PLEC: variants seen among roughly 807,000 people sequenced by gnomAD.
PLEC encodes plectin.
In PLEC, 216 loss-of-function variants were observed where a neutral mutation model predicts 392.8. That is an observed-to-expected ratio of 0.55 (90% CI 0.49 to 0.62). PLEC has a LOEUF of 0.62. Ranked by LOEUF, PLEC falls within the 20% of genes least tolerant of loss-of-function variation. The pLI is 0.00. For missense variants in PLEC, 6,863 were observed against 6,563.4 expected (o/e 1.05, Z -1.58); for synonymous variants, 3,621 against 2,980.6 (o/e 1.21, Z -7.00).
At chr8:143,944,732 C>A in intron 1 of PLEC, 1 of 1,264,134 alleles carries the variant, frequency 7.9e-7, no homozygotes, top group Non-Finnish European at 1.0e-6. Context: ...ACAGGCCCCT[C>A]GGAGGAGGCA....
At chr8:143,972,122 G>A (rs1296014370) in intron 1 of PLEC, among the ~76,000 whole-genome samples, 4 of 152,204 alleles carry the variant, frequency 2.6e-5, no homozygotes, top group Non-Finnish European at 5.9e-5. Flanking sequence ...CACAGTTCCC[G>A]CACTTTGAAC....
upstream of PLEC, among the ~76,000 whole-genome samples, chr8:143,940,882 C>T (rs1301494720): frequency 2.0e-5 from 3 of 152,202 alleles, no homozygotes; most frequent in African/African-American, 7.2e-5. Context: ...CCAACGAAGA[C>T]ACCCCTTGGT....
chr8:143,922,828 C>G lies in PLEC; in HGVS notation c.7101G>C (p.Thr2367=). 6.3e-7 allele frequency: 1 copy of G among 1,583,658 alleles called. No homozygotes were observed. Among genetic ancestry groups the G allele is most frequent in the South Asian group, 1.1e-5 (1 of 88,112 alleles). Reference sequence around the variant, plus strand: ...GCTGCCGCTGCCGCTCGGCCTCCAGCGTCCGCTGGAAGCCCTGCGTCTCCT... The same window carrying G: ...GCTGCCGCTGCCGCTCGGCCTCCAGGGTCCGCTGGAAGCCCTGCGTCTCCT... The part of the protein sequence containing the change: ...LAEETQGFQR[T]LEAERQRQLE... Residue 2367 remains threonine, a synonymous_variant, in exon 31 of 32, where the codon ACG becomes ACC. Transcript: ENST00000345136.
chr8:143,943,524 C>T (rs560048994), upstream of PLEC, among the ~76,000 whole-genome samples: 1 of 152,370 alleles, frequency 6.6e-6, no homozygotes, highest in South Asian at 2.1e-4. Flanking sequence ...GGGGGACGCT[C>T]CTGCCCTGCC....
Position 143,969,436 on chromosome 8 carries a change from TAGAC to T in PLEC, c.70+3963_70+3966del, listed in dbSNP as rs1218752250. Among the ~76,000 whole-genome samples the T allele has an allele frequency of 2.0e-5, 3 of 152,172 alleles. No homozygotes were observed. The highest frequency in any genetic ancestry group is 1.9e-4 in the East Asian group (1 of 5,192). On this transcript the variant is annotated intron_variant, in intron 1 of 31. Coordinates refer to the PLEC transcript ENST00000356346. The surrounding 1 kb of genome is among the most constrained non-coding windows in gnomAD (Gnocchi z 5.1). The stretch of plus-strand genomic sequence containing the variant: ...TGCTGAGGGCTGTGGGCTGGTGACT[TAGAC>T]AGTCGGCCCAGCTGCCAAGAGGTGT...
Position 143,927,283 on chromosome 8 carries a change from C to T in PLEC, c.3809G>A (p.Arg1270Lys), listed in dbSNP as rs1233394458. The T allele has an allele frequency of 5.6e-6, 9 of 1,613,264 alleles. No individual in the cohort carries two copies. The African/African-American group carries it at 1.1e-4, about 19-fold the overall frequency. ...RHGEKVEECQ[R>K]FAKQYINAIK... ...GGCGTTGATGTACTGTTTCGCAAAC[C>T]TCTGGCACTCCTCGACCTTCTCGCC... The change falls in exon 28 of 32, where the codon AGG becomes AAG. Residue 1270 changes from arginine (R) to lysine (K), a missense_variant. Arg to Lys is a conservative substitution (Grantham distance 26). Transcript: ENST00000345136.
At chr8:143,972,591 G>C (rs912814106) in intron 1 of PLEC, among the ~76,000 whole-genome samples, 21 of 152,322 alleles carry the variant, frequency 1.4e-4, no homozygotes, top group Non-Finnish European at 1.5e-4. Flanking sequence ...TGCTCTGATC[G>C]GCTCTGCCTG....
At chr8:143,930,652 AG>A in intron 19 of PLEC, 116 bp from the exon 20 acceptor site, 2 of 1,065,596 alleles carry the variant, frequency 1.9e-6, no homozygotes, top group Non-Finnish European at 2.7e-6. Context: ...CCGGGGTGGC[AG>A]CACTTGGAAG....
chr8:143,933,949 G>A (rs782228156), intron 12 of PLEC, 49 bp downstream of exon 12: 1 of 1,514,628 alleles, frequency 6.6e-7, no homozygotes. Context: ...GGGCGGGGCA[G>A]GCTCCTCCGG....
At position 143,973,383 on chromosome 8, in the gene PLEC, A is replaced by C; in HGVS notation, c.70+20T>G. ...GGCTGTCAGGAGCGGCCCGACAGGCAGCGGGACGGGGGGCCGTACCTTTGT... is the reference window on the plus strand; with the variant it reads ...GGCTGTCAGGAGCGGCCCGACAGGCCGCGGGACGGGGGGCCGTACCTTTGT... On this transcript the variant is annotated intron_variant, in intron 1 of 31. Transcript: ENST00000356346. This position sits in a 1 kb window ranked among gnomAD's most constrained non-coding sequence, Gnocchi z 5.6. 2 of 1,559,608 alleles carry C rather than the reference A, an allele frequency of 1.3e-6. No homozygotes were observed. Among genetic ancestry groups the C allele is most frequent in the South Asian group, 1.2e-5 (1 of 84,998 alleles).
intron 1 of PLEC, among the ~76,000 whole-genome samples, chr8:143,966,044 G>A (rs1348206010): frequency 6.6e-6 from 1 of 151,994 alleles, no homozygotes; most frequent in Non-Finnish European, 1.5e-5. Flanking sequence ...GGCCTCCTGA[G>A]CACTTCCCAC....
intron 3 of PLEC, 102 bp downstream of exon 3, chr8:143,938,049 T>C (rs750253107): frequency 9.5e-5 from 78 of 818,478 alleles, no homozygotes; most frequent in Non-Finnish European, 1.5e-4. Context: ...TTGAGCTGGA[T>C]TCCAAGTAGA....
rs1554717648 is a variant in PLEC at position 143,932,650 on chromosome 8, C to T, written c.1800G>A (p.Gln600=). The change falls in exon 15 of 32, where the codon CAG becomes CAA. Residue 600 remains glutamine (Q), a synonymous_variant. Transcript: ENST00000345136. ...CCCCACTCACCAGCAGCTTGGCGTA[C>T]TGCAGGTCCAGCCGACCCAGGCAGT... ...YRDCLGRLDL[Q]YAKLLNSSKA... The T allele has an allele frequency of 2.5e-6, 4 of 1,611,124 alleles. No individual in the cohort carries two copies. The highest frequency in any genetic ancestry group is 3.3e-5 in the Admixed American group (2 of 59,908).
Position 143,916,127 on chromosome 8 carries a change from G to T in PLEC, c.*50C>A. On this transcript the variant is annotated 3_prime_UTR_variant, in exon 32 of 32. Transcript: ENST00000345136. ...GCGTTGAAAACGGCCCCCGCGCCTCGGTGGGAGCCGGGCTGGGCCGCATGC... is the reference window on the plus strand; with the variant it reads ...GCGTTGAAAACGGCCCCCGCGCCTCTGTGGGAGCCGGGCTGGGCCGCATGC... 1 of 1,419,410 alleles carries T rather than the reference G, an allele frequency of 7.0e-7. No individual in the cohort carries two copies. Among genetic ancestry groups the T allele is most frequent in the Non-Finnish European group, 9.3e-7 (1 of 1,076,546 alleles). 87.9% of individuals were successfully genotyped at this position (1,419,410 alleles called of 1,614,324 possible).
rs536284705 is a variant in PLEC, at chr8:143,932,400, C to T, written c.1977G>A (p.Ser659=). ...TCAGGGCAGCTGGGCCACCGCTCAC[C>T]GAGTAGCTCTCCTTCTTGGCGGTCA... ...TNMTAKKESY[S]ALMRELELKE... The change falls in exon 16 of 32, where the codon TCG becomes TCA. Residue 659 remains serine, a splice_region_variant and synonymous_variant. Transcript: ENST00000345136. 8.7e-6 allele frequency: 14 copies of T among 1,612,642 alleles called. No individual in the cohort carries two copies. Among genetic ancestry groups the T allele is most frequent in the East Asian group, 4.5e-5 (2 of 44,888 alleles).
rs1200001816 is a variant in PLEC, at chr8:143,918,117, C to T, written c.11704G>A (p.Val3902Ile). 2 of 1,598,386 alleles carry T rather than the reference C, an allele frequency of 1.3e-6. No individual in the cohort carries two copies. The highest frequency in any genetic ancestry group is 1.3e-5 in the African/African-American group (1 of 74,988). ...TGCAGCGCCGTGGCCTCGTCCATGA[C>T]CTGCGAGCGCACCAGCTCCTCCATG... is the stretch of plus-strand genomic sequence containing the variant. ...ITMEELVRSQ[V>I]MDEATALQLR... The change falls in exon 32 of 32, where the codon GTC becomes ATC. Residue 3902 changes from valine (V) to isoleucine (I), a missense_variant. Transcript: ENST00000345136.
At chr8:143,928,204 G>A (rs1157704520) in intron 25 of PLEC, among the ~76,000 whole-genome samples, 1 of 152,256 alleles carries the variant, frequency 6.6e-6, no homozygotes, top group African/African-American at 2.4e-5. Flanking sequence ...AGGACACTCA[G>A]GACCCAGCCT....
Position 143,928,040 on chromosome 8 carries a change from AGC to A in PLEC, c.3261-50_3261-49del, listed in dbSNP as rs782463812. 3 of 1,544,050 alleles carry A rather than the reference AGC, an allele frequency of 1.9e-6. No homozygotes were observed. The East Asian group carries it at 6.8e-5, about 35-fold the overall frequency. On this transcript the variant is annotated intron_variant, in intron 25 of 31. Coordinates refer to ENST00000345136, the MANE Select transcript of PLEC (RefSeq NM_201384.3). ...GGCCATGACATGGGGCTCGAGCAATAGCCCAAGGGAATGGAACCCAAGCCACA... is the reference window on the plus strand; with the variant it reads ...GGCCATGACATGGGGCTCGAGCAATACCAAGGGAATGGAACCCAAGCCACA...
Position 143,939,529 on chromosome 8 carries a change from G to C in PLEC, c.-68C>G. On this transcript the variant is annotated 5_prime_UTR_variant, in exon 1 of 32. Transcript: ENST00000345136. ...ACGGTGCTCTGGGCAGCCCCGTGTG[G>C]CACACAGGCAGCTGAAGGCTGGCGG... The C allele has an allele frequency of 6.4e-7, 1 of 1,555,594 alleles. No individual in the cohort carries two copies. Among genetic ancestry groups the C allele is most frequent in the Non-Finnish European group, 8.7e-7 (1 of 1,151,826 alleles).
Sources: gnomAD v4.1 joint callset for allele counts (sites outside exome capture counted in the v4.1 genomes callset) on GRCh38, gnomAD v4.1.1 for gene constraint, Gnocchi (gnomAD v3.1) non-coding constraint, MANE v1.5 for transcripts, NCBI Gene and HGNC (gene_info 2026-07-23, HGNC 2026-07-21) for gene names.